FRMD1: variants seen among roughly 807,000 people sequenced by gnomAD.
The protein encoded by FRMD1 is FERM domain containing 1.
A neutral mutation model predicts 54.9 loss-of-function variants in FRMD1; 51 were observed. The observed-to-expected ratio is 0.93, with a 90% confidence interval of 0.74 to 1.17. The LOEUF is 1.17. Among genes scored for constraint, FRMD1 ranks in the 50% most tolerant of loss-of-function variants. The probability of loss-of-function intolerance (pLI) is 0.00; values close to 1 mark genes in which losing one functional copy is unlikely to be tolerated. For synonymous variants in FRMD1, 324 were observed against 306.4 expected (o/e 1.06, Z -0.60); for missense variants, 729 against 743.0 (o/e 0.98, Z 0.22).
chr6:168,079,068 GC>G lies in FRMD1; in HGVS notation c.26del (p.Gly9AlafsTer2). 1.2e-6 allele frequency: 2 copies of G among 1,608,412 alleles called. No homozygotes were observed. ...CAGGGTTTGTCCGGGCGGGGTCTAT[GC>G]CCCTCCCTCTCGGGGGCACCGCCAT... MAVPPRGR[G>X]IDPARTNPDT... On this transcript the variant is annotated frameshift_variant, in exon 1 of 11. Coordinates refer to ENST00000283309, the MANE Select transcript of FRMD1 (RefSeq NM_024919.6). LOFTEE classifies it high-confidence loss of function.
At position 168,057,178 on chromosome 6, in the gene FRMD1, G is replaced by A; in HGVS notation, c.1569C>T (p.Ala523=). 6.3e-7 allele frequency: 1 copy of A among 1,590,660 alleles called. No homozygotes were observed. Among genetic ancestry groups the A allele is most frequent in the African/African-American group, 1.3e-5 (1 of 74,694 alleles). ...CRLAGPCETR[A]TLPSKRSSNC... ...TGCTGGACCTCTTGCTGGGGAGAGT[G>A]GCCCTGGTCTCGCAGGGGCCTGCCA... Residue 523 remains alanine (A), a synonymous_variant, in exon 11 of 11, where the codon GCC becomes GCT. Coordinates refer to ENST00000283309, the MANE Select transcript of FRMD1 (RefSeq NM_024919.6).
At chr6:168,060,678 C>A in intron 9 of FRMD1, 83 bp downstream of exon 9, 1 of 1,425,082 alleles carries the variant, frequency 7.0e-7, no homozygotes, top group South Asian at 1.3e-5. Context: ...GCTTTGCTGC[C>A]TCGGTGTCCA....
chr6:168,057,505 C>T (rs1799476039), intron 10 of FRMD1, 166 bp from the exon 11 acceptor site: 1 of 933,596 alleles, frequency 1.1e-6, no homozygotes, highest in Non-Finnish European at 1.6e-6. Flanking sequence ...CAGCACACAC[C>T]TCTGCGAGAG....
In FRMD1 at chr6:168,065,058, C is replaced by A. The variant is rs781157929; in HGVS notation, c.462-1G>T. 3 of 1,597,314 alleles carry A rather than the reference C, an allele frequency of 1.9e-6. No homozygotes were observed. The highest frequency in any genetic ancestry group is 2.6e-6 in the Non-Finnish European group (3 of 1,169,224). On this transcript the variant is annotated splice_acceptor_variant, in intron 4 of 10. Coordinates refer to ENST00000283309, the MANE Select transcript of FRMD1 (RefSeq NM_024919.6). LOFTEE classifies it high-confidence loss of function. The stretch of plus-strand genomic sequence containing the variant: ...GTACAGGTGCCGTGCCCTGTGGTCG[C>A]TGGAAGGTGGCAGGGAGTGAGTTCC...
upstream of FRMD1, chr6:168,081,430 C>T (rs4708429): frequency 0.88 from 1,356,097 of 1,535,320 alleles, 599,959 homozygotes; most frequent in Non-Finnish European, 0.9. Flanking sequence ...GGGCAGTGGA[C>T]GGGCAGAGGC....
upstream of FRMD1, among the ~76,000 whole-genome samples, chr6:168,080,391 C>G (rs10945466): frequency 0.86 from 130,326 of 151,832 alleles, 56,066 homozygotes; most frequent in South Asian, 0.89. Context: ...GAGCTGTTCA[C>G]TATGGAAGAT....
intron 5 of FRMD1, among the ~76,000 whole-genome samples, chr6:168,064,217 G>A (rs1051693821): frequency 1.3e-5 from 2 of 152,204 alleles, no homozygotes; most frequent in East Asian, 1.9e-4. Context: ...TGACCTCAGC[G>A]ACTGCCTCAG....
chr6:168,080,747 T>G (rs137888658), upstream of FRMD1, among the ~76,000 whole-genome samples: 7 of 151,690 alleles, frequency 4.6e-5, no homozygotes, highest in East Asian at 1.4e-3. Flanking sequence ...GGGGACACGG[T>G]GGGGAGTTGT....
upstream of FRMD1, among the ~76,000 whole-genome samples, chr6:168,080,739 G>A (rs1255572887): frequency 6.6e-6 from 1 of 152,066 alleles, no homozygotes; most frequent in Non-Finnish European, 1.5e-5. Flanking sequence ...GGAGAGCCGG[G>A]GACACGGTGG....
At chr6:168,079,778 G>A (rs767750122), upstream of FRMD1, among the ~76,000 whole-genome samples, 1 of 152,216 alleles carries the variant, frequency 6.6e-6, no homozygotes, top group African/African-American at 2.4e-5. Context: ...AGGCCAGGAA[G>A]GGGGTCCTGG....
intron 5 of FRMD1, 101 bp downstream of exon 5, chr6:168,064,770 C>T (rs1408283314): frequency 4.8e-6 from 7 of 1,469,442 alleles, no homozygotes; most frequent in East Asian, 5.0e-5. Flanking sequence ...CTCCAGCAGC[C>T]CCTGCCAGGC....
chr6:168,088,419 C>A (rs1800958413), intron 1 of FRMD1, among the ~76,000 whole-genome samples: 1 of 152,332 alleles, frequency 6.6e-6, no homozygotes, highest in East Asian at 1.9e-4. Context: ...CTACTGCTGC[C>A]TCAGCTCTGG....
intron 7 of FRMD1, chr6:168,062,540 C>G: frequency 1.0e-6 from 1 of 962,562 alleles, no homozygotes; most frequent in Non-Finnish European, 1.5e-6. Flanking sequence ...CAGGACGGCC[C>G]TGATGCCCCC....
intron 2 of FRMD1, among the ~76,000 whole-genome samples, chr6:168,069,084 C>A (rs1365783375): frequency 6.6e-6 from 1 of 152,238 alleles, no homozygotes; most frequent in Non-Finnish European, 1.5e-5. Context: ...GTGCCATGCT[C>A]TGTGTTAAAG....
Position 168,059,555 on chromosome 6 carries a change from G to A in FRMD1, c.1343-367C>T, listed in dbSNP as rs1159665045. Reference sequence around the variant, plus strand: ...TGCCTGGCCCTGGGAGGCCCTAGGTGATGTTTTGTGACCCTGGATGGCCCT... The same window carrying A: ...TGCCTGGCCCTGGGAGGCCCTAGGTAATGTTTTGTGACCCTGGATGGCCCT... On this transcript the variant is annotated intron_variant, in intron 9 of 10. Transcript: ENST00000283309. This position sits in a 1 kb window ranked among gnomAD's most constrained non-coding sequence, Gnocchi z 4.4. Among the ~76,000 whole-genome samples the A allele has an allele frequency of 6.6e-6, 1 of 152,172 alleles. No individual in the cohort carries two copies.
Position 168,061,914 on chromosome 6 carries a change from C to T in FRMD1, c.938G>A (p.Cys313Tyr), listed in dbSNP as rs139874578. The T allele has an allele frequency of 8.1e-6, 13 of 1,598,870 alleles. No homozygotes were observed. The Middle Eastern group carries it at 6.0e-4, about 74-fold the overall frequency. Residue 313 changes from cysteine to tyrosine, a missense_variant, in exon 8 of 11, where the codon TGC (cysteine) becomes TAC (tyrosine). Transcript: ENST00000283309. ...CAGCAGGTGCCTGGACCGCCAGGTG[C>T]ACCCCGTGTAGTAAACCAGCTTCTG... ...AAQKLVYYTG[C>Y]TWRSRHLLHL...
At chr6:168,093,041 T>C (rs1438194218) in intron 1 of FRMD1, 1 of 152,242 alleles carries the variant, frequency 6.6e-6, no homozygotes, top group East Asian at 1.9e-4. Flanking sequence ...ATGTCTTCTA[T>C]GGCGGCAGGC....
chr6:168,069,810 G>A (rs1482703635), intron 2 of FRMD1, among the ~76,000 whole-genome samples: 2 of 152,176 alleles, frequency 1.3e-5, no homozygotes, highest in Non-Finnish European at 2.9e-5. Context: ...TGCACCCCTA[G>A]CAGTGGGACA....
At chr6:168,074,449 G>A (rs1800463533) in intron 2 of FRMD1, among the ~76,000 whole-genome samples, 2 of 152,052 alleles carry the variant, frequency 1.3e-5, no homozygotes, top group Non-Finnish European at 2.9e-5. Flanking sequence ...TGCGAGTGGT[G>A]TGTAACTGTG....
Sources: allele counts gnomAD v4.1 joint callset (sites outside exome capture counted in the v4.1 genomes callset), GRCh38; gene constraint gnomAD v4.1.1; non-coding constraint Gnocchi (gnomAD v3.1); transcripts MANE v1.5; gene names NCBI Gene and HGNC (gene_info 2026-07-23, HGNC 2026-07-21).